The following ITGB5 variants were observed in gnomAD, a reference collection of about 807,000 sequenced individuals.
ITGB5 encodes the protein integrin beta-5.
Under a neutral mutation model 84.8 loss-of-function variants are expected in ITGB5, and 38 were observed. The observed-to-expected ratio is 0.45, with a 90% CI of 0.35 to 0.59. The LOEUF is 0.59. Among genes scored for constraint, ITGB5 ranks in the 20% least tolerant of loss-of-function variants. The probability of loss-of-function intolerance (pLI) is 0.01; values close to 1 mark genes in which losing one functional copy is unlikely to be tolerated. For synonymous variants in ITGB5, 393 were observed against 414.4 expected (o/e 0.95, Z 0.63); for missense variants, 905 against 1,034.5 (o/e 0.87, Z 1.72).
rs559544885 is a variant in ITGB5, at chr3:124,873,881, A to G, written c.71-350T>C. Among the ~76,000 whole-genome samples, 1,429 of 152,232 alleles carry G rather than the reference A, an allele frequency of 9.4e-3. 30 individuals are homozygous for G. The highest frequency in any genetic ancestry group is 0.032 in the African/African-American group (1,331 of 41,530). On this transcript the variant is annotated intron_variant, in intron 1 of 14. Transcript: ENST00000296181. Reference sequence around the variant, plus strand: ...ATGACAAAAATAGTACAAAAAGAAAAGAAAAGAAAAAAGAATACATTGGTT... The same window carrying G: ...ATGACAAAAATAGTACAAAAAGAAAGGAAAAGAAAAAAGAATACATTGGTT...
chr3:124,864,805 G>A (rs755815583), intron 2 of ITGB5, among the ~76,000 whole-genome samples: 20 of 152,112 alleles, frequency 1.3e-4, no homozygotes, highest in Non-Finnish European at 2.5e-4. Context: ...GTCTGATGGC[G>A]TAACAGTTTC....
Position 124,791,400 on chromosome 3 carries a change from C to T in ITGB5, c.1693+4988G>A, listed in dbSNP as rs186908403. ...CAGAGTTGTTCAATTGCTTCCAGAC[C>T]TTAGTCGGATTTGTTCACTGCTCAT... On this transcript the variant is annotated intron_variant, in intron 10 of 14. Coordinates refer to ENST00000296181, the MANE Select transcript of ITGB5 (RefSeq NM_002213.5). 2.6e-5 allele frequency: 4 copies of T among 152,332 alleles called. No homozygotes were observed. The East Asian group carries it at 5.8e-4, about 22-fold the overall frequency. 9.4% of individuals were successfully genotyped at this position (152,332 alleles called of 1,614,324 possible).
Position 124,796,701 on chromosome 3 carries a change from G to A in ITGB5, c.1380C>T (p.Asn460=), listed in dbSNP as rs767455137. ...GCCCCACGCTGCAGCCGCACGTGCA[G>A]TTGTAGGTGACCCCCACCTCCAGGC... The part of the protein sequence containing the change: ...RDSLEVGVTY[N]CTCGCSVGLE... The change falls in exon 10 of 15, where the codon AAC becomes AAT. Residue 460 remains asparagine, a synonymous_variant. Coordinates refer to ENST00000296181, the MANE Select transcript of ITGB5 (RefSeq NM_002213.5). The A allele has an allele frequency of 2.5e-6, 4 of 1,614,122 alleles. No individual in the cohort carries two copies. The African/African-American group carries it at 5.3e-5, about 22-fold the overall frequency.
intron 4 of ITGB5, among the ~76,000 whole-genome samples, chr3:124,842,204 A>G (rs1395254312): frequency 6.6e-6 from 1 of 152,276 alleles, no homozygotes; most frequent in African/African-American, 2.4e-5. Context: ...TTAGAAACTA[A>G]GCATCTTCAA....
In ITGB5 at chr3:124,844,375, C is replaced by T. The variant is rs146310171; in HGVS notation, c.612-2824G>A. Reference sequence around the variant, plus strand: ...AGGAGTTCAAGACCAGCCTGGCCAACGTGGTGAAACGCCATCTCTACTAAA... The same window carrying T: ...AGGAGTTCAAGACCAGCCTGGCCAATGTGGTGAAACGCCATCTCTACTAAA... On this transcript the variant is annotated intron_variant, in intron 4 of 14. Coordinates refer to ENST00000296181, the MANE Select transcript of ITGB5 (RefSeq NM_002213.5). Among the ~76,000 whole-genome samples the T allele has an allele frequency of 3.1e-4, 47 of 152,126 alleles. No homozygotes were observed. In the East Asian group the frequency reaches 8.7e-3, roughly 28 times the overall value.
intron 8 of ITGB5, 130 bp downstream of exon 8, chr3:124,817,490 CA>C: frequency 1.8e-6 from 1 of 568,668 alleles, no homozygotes; most frequent in East Asian, 3.3e-5. Context: ...ATACCAAACT[CA>C]AGGGGATGGG....
At chr3:124,825,665 G>A (rs752797680) in intron 5 of ITGB5, among the ~76,000 whole-genome samples, 7 of 152,324 alleles carry the variant, frequency 4.6e-5, no homozygotes, top group Admixed American at 6.5e-5. Context: ...ATCAGTAGTC[G>A]CCAAAGTGGC....
intron 2 of ITGB5, chr3:124,862,305 C>G (rs2065315591): frequency 6.6e-6 from 1 of 152,484 alleles, no homozygotes; most frequent in African/African-American, 2.4e-5. Flanking sequence ...ACACCTCTCT[C>G]ACTGGTCTGG....
At chr3:124,883,932 A>G (rs1444954075) in intron 1 of ITGB5, among the ~76,000 whole-genome samples, 1 of 152,130 alleles carries the variant, frequency 6.6e-6, no homozygotes, top group Non-Finnish European at 1.5e-5. Context: ...GGGGGTTGTC[A>G]GCCGGCCAGG....
chr3:124,855,036 A>T (rs1177027664), intron 3 of ITGB5, among the ~76,000 whole-genome samples: 1 of 152,164 alleles, frequency 6.6e-6, no homozygotes, highest in Non-Finnish European at 1.5e-5. Context: ...ATGGAGGCCC[A>T]GCGCAGTGGC....
chr3:124,842,252 T>C (rs960713413), intron 4 of ITGB5, among the ~76,000 whole-genome samples: 1 of 152,254 alleles, frequency 6.6e-6, no homozygotes, highest in Non-Finnish European at 1.5e-5. Context: ...AAGAAGGAAG[T>C]ATTACACATC....
At chr3:124,763,894 A>G (rs1190782458) in intron 14 of ITGB5, among the ~76,000 whole-genome samples, 176 bp from the exon 15 acceptor site, 2 of 152,186 alleles carry the variant, frequency 1.3e-5, no homozygotes, top group African/African-American at 2.4e-5. Context: ...CAGGAAAGCC[A>G]TCGCCTTCTC....
intron 12 of ITGB5, among the ~76,000 whole-genome samples, chr3:124,766,970 T>C (rs2063776799): frequency 6.6e-6 from 1 of 152,158 alleles, no homozygotes; most frequent in African/African-American, 2.4e-5. Context: ...CTCCTCCATA[T>C]TAAGAAGCCC....
chr3:124,832,365 TTGGGG>T (rs1470910350), intron 5 of ITGB5, among the ~76,000 whole-genome samples: 12 of 152,234 alleles, frequency 7.9e-5, no homozygotes, highest in Non-Finnish European at 1.5e-4. Flanking sequence ...CTGTAAAACT[TTGGGG>T]AAGTTACTTC....
At chr3:124,898,797 C>T (rs1221135767) in intron 1 of ITGB5, among the ~76,000 whole-genome samples, 2 of 140,078 alleles carry the variant, frequency 1.4e-5, no homozygotes, top group African/African-American at 2.8e-5. Context: ...AAAAAAAGGC[C>T]GGGCGCACTG....
intron 9 of ITGB5, among the ~76,000 whole-genome samples, chr3:124,805,750 C>A (rs188084414): frequency 1.3e-5 from 2 of 151,172 alleles, no homozygotes; most frequent in East Asian, 1.9e-4. Flanking sequence ...CTGCGCCTGG[C>A]GGACTTTTTT....
chr3:124,888,738 G>A (rs958699407), upstream of ITGB5, among the ~76,000 whole-genome samples: 2 of 152,192 alleles, frequency 1.3e-5, no homozygotes, highest in Non-Finnish European at 2.9e-5. Context: ...GAAGCAGTAA[G>A]GGGGAAAGAA....
At chr3:124,850,440 T>C (rs945659459) in intron 3 of ITGB5, among the ~76,000 whole-genome samples, 1 of 151,410 alleles carries the variant, frequency 6.6e-6, no homozygotes, top group Non-Finnish European at 1.5e-5. Flanking sequence ...GTGGCAGCTC[T>C]GAGCCTGCTT....
rs1248633140 is a variant in ITGB5 at position 124,808,942 on chromosome 3, T to G, written c.1263+80A>C. The G allele has an allele frequency of 4.1e-6, 6 of 1,477,386 alleles. No homozygotes were observed. In the African/African-American group the frequency reaches 8.4e-5, roughly 21 times the overall value. 91.5% of individuals were successfully genotyped at this position (1,477,386 alleles called of 1,614,324 possible). On this transcript the variant is annotated intron_variant, in intron 9 of 14. Coordinates refer to ENST00000296181, the MANE Select transcript of ITGB5 (RefSeq NM_002213.5). Reference sequence around the variant, plus strand: ...ATATAAATTCCGAAAGGACTCTTAATAAGTCACAAAAGTTATTAGAACCCA... The same window carrying G: ...ATATAAATTCCGAAAGGACTCTTAAGAAGTCACAAAAGTTATTAGAACCCA...
Sources: allele counts gnomAD v4.1 joint callset (sites outside exome capture counted in the v4.1 genomes callset), GRCh38; gene constraint gnomAD v4.1.1; transcripts MANE v1.5; gene names NCBI Gene and HGNC (gene_info 2026-07-23, HGNC 2026-07-21).